Variants in TMPRSS13 observed in about 807,000 individuals in gnomAD.
TMPRSS13 encodes transmembrane protease serine 13.
A neutral mutation model predicts 68.4 loss-of-function variants in TMPRSS13; 50 were observed. The ratio of observed to expected loss-of-function variants is 0.73; its 90% CI spans 0.58 to 0.93. The LOEUF is 0.93. Among genes scored for constraint, TMPRSS13 ranks in the 40% least tolerant of loss-of-function variants. The pLI is 0.00. For missense variants in TMPRSS13, 615 were observed against 729.2 expected (o/e 0.84, Z 1.80); for synonymous variants, 267 against 285.8 (o/e 0.93, Z 0.66).
In TMPRSS13 at chr11:117,918,698, T is replaced by C. The variant is rs781755258; in HGVS notation, c.162A>G (p.Ala54=). ...ASPAGTPPGR[A]SPAQASPAGT... Reference sequence around the variant, plus strand: ...CAGCTGGAGATGCCTGGGCTGGAGATGCCCGGCCCGGAGGTGTCCCAGCTG... The same window carrying C: ...CAGCTGGAGATGCCTGGGCTGGAGACGCCCGGCCCGGAGGTGTCCCAGCTG... Residue 54 remains alanine, a synonymous_variant, in exon 2 of 13, where the codon GCA becomes GCG. Coordinates refer to ENST00000524993, the MANE Select transcript of TMPRSS13 (RefSeq NM_001077263.3). 6 of 1,604,242 alleles carry C rather than the reference T, an allele frequency of 3.7e-6. No homozygotes were observed. Among genetic ancestry groups the C allele is most frequent in the Non-Finnish European group, 4.3e-6 (5 of 1,175,042 alleles).
rs1052530245 is a variant in TMPRSS13, at chr11:117,914,286, C to T, written c.679+106G>A. The T allele has an allele frequency of 6.9e-7, 1 of 1,456,160 alleles. No homozygotes were observed. The highest frequency in any genetic ancestry group is 9.4e-7 in the Non-Finnish European group (1 of 1,059,462). The allele number at this position is 1,456,160 out of a possible 1,614,324, so 90.2% of individuals were successfully genotyped here. A position where few individuals can be genotyped will look rare whatever the true frequency, so the allele number is the denominator to read the frequency against. ...ACATGCACATACACACACATGCACG[C>T]ACACATATACACACACAGGCATGCA... On this transcript the variant is annotated intron_variant, in intron 4 of 12. Transcript: ENST00000524993. This position sits in a 1 kb window ranked among gnomAD's most constrained non-coding sequence, Gnocchi z 4.2.
rs971324948 is a variant in TMPRSS13, at chr11:117,922,123, T to C, written c.22-3285A>G. Among the ~76,000 whole-genome samples, 3 of 152,152 alleles carry C rather than the reference T, an allele frequency of 2.0e-5. No individual in the cohort carries two copies. The highest frequency in any genetic ancestry group is 7.2e-5 in the African/African-American group (3 of 41,444). On this transcript the variant is annotated intron_variant, in intron 1 of 12. Transcript: ENST00000524993. The surrounding 1 kb of genome is among the most constrained non-coding windows in gnomAD (Gnocchi z 4.2). Reference sequence around the variant, plus strand: ...CACTAACTCATTTCTTTTCCCCAATTCTTGGAGAACAACTGCTGAGACTCT... The same window carrying C: ...CACTAACTCATTTCTTTTCCCCAATCCTTGGAGAACAACTGCTGAGACTCT...
chr11:117,907,998 T>A (rs188961586), intron 9 of TMPRSS13: 62 of 990,474 alleles, frequency 6.3e-5, no homozygotes, highest in South Asian at 1.9e-4. Flanking sequence ...CCTCCTTTGG[T>A]CCTTAGCAAC....
At chr11:117,904,211 G>T (rs909414891) in intron 10 of TMPRSS13, 110 bp from the exon 11 acceptor site, 3 of 1,423,120 alleles carry the variant, frequency 2.1e-6, no homozygotes, top group African/African-American at 1.4e-5. Flanking sequence ...AGCCTCCTGG[G>T]AATGGAGGGT....
intron 1 of TMPRSS13, among the ~76,000 whole-genome samples, chr11:117,926,262 G>A (rs372636312): frequency 6.6e-6 from 1 of 150,602 alleles, no homozygotes; most frequent in Non-Finnish European, 1.5e-5. Context: ...AGGGTCCTTG[G>A]AGGACGAGGT....
chr11:117,914,724 A>C lies in TMPRSS13; in HGVS notation c.557-210T>G, dbSNP rs977146613. On this transcript the variant is annotated intron_variant, in intron 3 of 12. Transcript: ENST00000524993. This position sits in a 1 kb window ranked among gnomAD's most constrained non-coding sequence, Gnocchi z 4.2. The stretch of plus-strand genomic sequence containing the variant: ...TCCTGCAAGCAGGGCAGCACCAGGC[A>C]GATTCAAGCAGCCAGCCACCCAGAA... Among the ~76,000 whole-genome samples the C allele has an allele frequency of 6.6e-6, 1 of 152,178 alleles. No homozygotes were observed. Among genetic ancestry groups the C allele is most frequent in the African/African-American group, 2.4e-5 (1 of 41,428 alleles).
intron 6 of TMPRSS13, 125 bp from the exon 7 acceptor site, chr11:117,910,875 C>T (rs2057516348): frequency 1.2e-6 from 1 of 846,448 alleles, no homozygotes; most frequent in South Asian, 1.8e-5. Flanking sequence ...GTACAGGAAG[C>T]AGGAGATTCT....
chr11:117,911,722 C>G (rs754786232), intron 6 of TMPRSS13, 46 bp downstream of exon 6: 8 of 1,540,638 alleles, frequency 5.2e-6, no homozygotes, highest in Non-Finnish European at 7.2e-6. Context: ...CTCCTACCCA[C>G]TCCTTCCCCT....
At chr11:117,918,363 G>T in intron 2 of TMPRSS13, 46 bp downstream of exon 2, 1 of 1,593,198 alleles carries the variant, frequency 6.3e-7, no homozygotes, top group African/African-American at 1.3e-5. Flanking sequence ...CCCTGCCCAT[G>T]GGCTGCTTCC....
intron 1 of TMPRSS13, 37 bp from the exon 2 acceptor site, chr11:117,918,875 C>G (rs561971867): frequency 6.2e-7 from 1 of 1,607,040 alleles, no homozygotes; most frequent in South Asian, 1.1e-5. Flanking sequence ...CAGGCTGCTC[C>G]CCTGCCAACC....
Position 117,918,474 on chromosome 11 carries a change from G to A in TMPRSS13, c.386C>T (p.Ala129Val), listed in dbSNP as rs1424921226. 1.9e-6 allele frequency: 3 copies of A among 1,614,244 alleles called. No homozygotes were observed. Among genetic ancestry groups the A allele is most frequent in the Admixed American group, 1.7e-5 (1 of 60,028 alleles). Residue 129 changes from alanine (A) to valine (V), a missense_variant, in exon 2 of 13, where the codon GCT becomes GTT. Ala to Val is a moderately conservative substitution (Grantham distance 64). Coordinates refer to ENST00000524993, the MANE Select transcript of TMPRSS13 (RefSeq NM_001077263.3). ...GGCAGGAGATGATCGGATGGGTACA[G>A]CCCCCACTGGTGTTGCTCTAACAAG... ...VYLVRATPVG[A>V]VPIRSSPARS... is the part of the protein sequence containing the mutation.
chr11:117,921,302 C>T (rs1320319889), intron 1 of TMPRSS13, among the ~76,000 whole-genome samples: 1 of 150,684 alleles, frequency 6.6e-6, no homozygotes, highest in Non-Finnish European at 1.5e-5. Context: ...ATTTGATTCT[C>T]ACAAGTCTCT....
Position 117,908,769 on chromosome 11 carries a change from G to A in TMPRSS13, c.1125C>T (p.Val375=), listed in dbSNP as rs756518634. The A allele has an allele frequency of 6.2e-6, 10 of 1,606,616 alleles. No individual in the cohort carries two copies. In the Admixed American group the frequency reaches 6.8e-5, roughly 11 times the overall value. Residue 375 remains valine, a synonymous_variant, in exon 9 of 13, where the codon GTC becomes GTT. Transcript: ENST00000524993. The stretch of plus-strand genomic sequence containing the variant: ...CCGCGTACACCTTCCAGCCCTCCAG[G>A]ACCTTCTCCCGGGTCCTGCAAGAGC... The part of the protein sequence containing the change: ...AHCFFVTREK[V]LEGWKVYAGT...
intron 1 of TMPRSS13, among the ~76,000 whole-genome samples, chr11:117,921,640 C>G (rs2057649789): frequency 6.6e-6 from 1 of 152,130 alleles, no homozygotes; most frequent in African/African-American, 2.4e-5. Context: ...GGTGGAAAGC[C>G]AAGAACTGCA....
chr11:117,904,199 A>C (rs980982461), intron 10 of TMPRSS13, 98 bp from the exon 11 acceptor site: 2 of 1,468,954 alleles, frequency 1.4e-6, no homozygotes, highest in African/African-American at 2.8e-5. Flanking sequence ...ACCCAGAATC[A>C]CAGCCTCCTG....
chr11:117,903,931 C>T, intron 11 of TMPRSS13, 28 bp downstream of exon 11: 14 of 1,607,098 alleles, frequency 8.7e-6, no homozygotes, highest in Non-Finnish European at 1.2e-5. Context: ...GGTGCTGGGA[C>T]CTGAGCCCCA....
At chr11:117,903,885 C>T (rs892015835) in intron 11 of TMPRSS13, 74 bp downstream of exon 11, 20 of 1,594,882 alleles carry the variant, frequency 1.3e-5, no homozygotes, top group Non-Finnish European at 1.7e-5. Flanking sequence ...CCAATTCCCA[C>T]ATCAGCCCCA....
intron 1 of TMPRSS13, among the ~76,000 whole-genome samples, chr11:117,924,627 C>A (rs2057684973): frequency 6.6e-6 from 1 of 150,554 alleles, no homozygotes; most frequent in Admixed American, 6.6e-5. Flanking sequence ...TGTTGGGAAC[C>A]TGGGGAGCCC....
intron 9 of TMPRSS13, 112 bp downstream of exon 9, chr11:117,908,500 C>T (rs779711711): frequency 1.6e-5 from 19 of 1,183,684 alleles, no homozygotes; most frequent in Non-Finnish European, 2.3e-5. Flanking sequence ...TGACTTCTGC[C>T]CTGCAGAAGC....
Sources: gnomAD v4.1 joint callset for allele counts (sites outside exome capture counted in the v4.1 genomes callset) on GRCh38, gnomAD v4.1.1 for gene constraint, Gnocchi (gnomAD v3.1) non-coding constraint, MANE v1.5 for transcripts, NCBI Gene and HGNC (gene_info 2026-07-23, HGNC 2026-07-21) for gene names.